MAD1L1: variants seen among roughly 807,000 people sequenced by gnomAD.
The protein encoded by MAD1L1 is mitotic arrest deficient 1 like 1, also known as mitotic spindle assembly checkpoint protein MAD1.
In MAD1L1, 95 loss-of-function variants were observed where a neutral mutation model predicts 96.9. The observed-to-expected ratio is 0.98, with a 90% CI of 0.83 to 1.16. MAD1L1 has a LOEUF of 1.16. Ranked by LOEUF, MAD1L1 falls within the 50% of genes most tolerant of loss-of-function variation. The probability of loss-of-function intolerance (pLI) is 0.00; values close to 1 mark genes in which losing one functional copy is unlikely to be tolerated. For synonymous variants in MAD1L1, 473 were observed against 396.6 expected, an observed-to-expected ratio of 1.19 and a Z score of -2.29; for missense variants, 1,007 against 954.4, an observed-to-expected ratio of 1.06 and a Z score of -0.73.
At chr7:2,016,424 G>A (rs1324630803) in intron 12 of MAD1L1, among the ~76,000 whole-genome samples, 1 of 152,192 alleles carries the variant, frequency 6.6e-6, no homozygotes, top group Non-Finnish European at 1.5e-5. Flanking sequence ...CCCAGAAGCG[G>A]AGTGCACAAA....
rs141122662 is a variant in MAD1L1, at chr7:2,103,977, G to A, written c.1074-34639C>T. Reference sequence around the variant, plus strand: ...TGGCAGAGAATCAAATATGCAGCCGGTGTCTGGAAATCATTCAATGAAGGT... The same window carrying A: ...TGGCAGAGAATCAAATATGCAGCCGATGTCTGGAAATCATTCAATGAAGGT... On this transcript the variant is annotated intron_variant, in intron 11 of 18. Coordinates refer to ENST00000265854, the MANE Select transcript of MAD1L1 (RefSeq NM_001013836.2). This position sits in a 1 kb window ranked among gnomAD's most constrained non-coding sequence, Gnocchi z 4.3. 4.6e-5 allele frequency among the ~76,000 whole-genome samples: 7 copies of A among 152,362 alleles called. No individual in the cohort carries two copies. The East Asian group carries it at 1.3e-3, about 29-fold the overall frequency.
At position 1,827,279 on chromosome 7, in the gene MAD1L1, A is replaced by G. The variant is rs540530289; in HGVS notation, c.1999-11051T>C. Among the ~76,000 whole-genome samples, 8 of 152,338 alleles carry G rather than the reference A, an allele frequency of 5.3e-5. No homozygotes were observed. In the East Asian group the frequency reaches 9.7e-4, roughly 18 times the overall value. On this transcript the variant is annotated intron_variant, in intron 18 of 18. Coordinates refer to ENST00000265854, the MANE Select transcript of MAD1L1 (RefSeq NM_001013836.2). ...GAGGGCAGCAGGAGCACAGAACACA[A>G]TGAAGGTTAAGGGAAGAAAGGGGAC...
chr7:2,008,848 G>A (rs1219083058), intron 13 of MAD1L1, among the ~76,000 whole-genome samples: 2 of 152,008 alleles, frequency 1.3e-5, no homozygotes, highest in Non-Finnish European at 2.9e-5. Flanking sequence ...GAAGGAACAC[G>A]GCTCCATCCC....
intron 16 of MAD1L1, among the ~76,000 whole-genome samples, chr7:1,955,791 G>T (rs1779699914): frequency 6.6e-6 from 1 of 152,294 alleles, no homozygotes; most frequent in Non-Finnish European, 1.5e-5. Flanking sequence ...TTTTAGGGTT[G>T]TCCTGTTGCA....
At chr7:2,073,898 C>T (rs959394925) in intron 11 of MAD1L1, among the ~76,000 whole-genome samples, 4 of 152,200 alleles carry the variant, frequency 2.6e-5, no homozygotes, top group Admixed American at 1.3e-4. Flanking sequence ...ACTCCAGGAC[C>T]GTCCAGGTGC....
At chr7:2,139,986 A>ACCCCCCCCCCCCCCCCC (rs1562723081) in intron 11 of MAD1L1, among the ~76,000 whole-genome samples, 1 of 138,928 alleles carries the variant, frequency 7.2e-6, no homozygotes, top group African/African-American at 2.7e-5. Flanking sequence ...TACTATCTGG[A>ACCCCCCCCCCCCCCCCC]CCCCGCCCCC....
chr7:2,114,766 T>C lies in MAD1L1; in HGVS notation c.1073+34386A>G, dbSNP rs545457022. Among the ~76,000 whole-genome samples the C allele has an allele frequency of 3.9e-4, 60 of 152,260 alleles. No homozygotes were observed. Among genetic ancestry groups the C allele is most frequent in the African/African-American group, 1.4e-3 (60 of 41,546 alleles). ...CACAGCACGATGGCAGAGTTCAGCG[T>C]CTTCGACAGAGACCACCTGCCCGGC... is the stretch of plus-strand genomic sequence containing the variant. On this transcript the variant is annotated intron_variant, in intron 11 of 18. Transcript: ENST00000265854. This position sits in a 1 kb window ranked among gnomAD's most constrained non-coding sequence, Gnocchi z 4.2.
chr7:2,098,384 G>A (rs1031313301), intron 11 of MAD1L1, among the ~76,000 whole-genome samples: 1 of 152,288 alleles, frequency 6.6e-6, no homozygotes, highest in Non-Finnish European at 1.5e-5. Context: ...AAGAGACCTC[G>A]GGCCCTAAAC....
chr7:2,186,994 T>C (rs1036314242), intron 10 of MAD1L1, among the ~76,000 whole-genome samples: 98 of 151,994 alleles, frequency 6.4e-4, no homozygotes, highest in African/African-American at 2.2e-3. Context: ...GGTTTCGCCA[T>C]GTTGGCCAGG....
At chr7:2,209,670 G>C (rs1295742846) in intron 10 of MAD1L1, among the ~76,000 whole-genome samples, 4 of 152,188 alleles carry the variant, frequency 2.6e-5, no homozygotes, top group African/African-American at 9.6e-5. Context: ...AGTGGCAGCA[G>C]CTCCTCCACA....
intron 11 of MAD1L1, among the ~76,000 whole-genome samples, chr7:2,083,649 C>T (rs1007737843): frequency 6.6e-6 from 1 of 152,332 alleles, no homozygotes; most frequent in South Asian, 2.1e-4. Context: ...GAAGAGGCAA[C>T]GGCATCGGAC....
chr7:1,903,826 A>G (rs375233681), intron 17 of MAD1L1, among the ~76,000 whole-genome samples: 188 of 125,640 alleles, frequency 1.5e-3, no homozygotes, highest in African/African-American at 3.1e-3. Context: ...ATGCTCTTGC[A>G]GAACTCATAA....
intron 10 of MAD1L1, among the ~76,000 whole-genome samples, chr7:2,164,776 AGCAAGG>A: frequency 6.6e-6 from 1 of 152,244 alleles, no homozygotes; most frequent in African/African-American, 2.4e-5. Flanking sequence ...CTGTGTGCCC[AGCAAGG>A]ACACTACATG....
chr7:1,827,677 G>A lies in MAD1L1; in HGVS notation c.1999-11449C>T, dbSNP rs7811254. On this transcript the variant is annotated intron_variant, in intron 18 of 18. Transcript: ENST00000265854. ...TCCTGAGCCCGGCCCGGGTGTGGGG[G>A]CCTCCCCTCCTGAGCCCGTCCCGGG... Among the ~76,000 whole-genome samples, 3 of 85,348 alleles carry A rather than the reference G, an allele frequency of 3.5e-5. 1 individual carries two copies. The highest frequency in any genetic ancestry group is 5.4e-5 in the African/African-American group (1 of 18,398). 56.0% of individuals were successfully genotyped at this position (85,348 alleles called of 152,430 possible). A position where few individuals can be genotyped will look rare whatever the true frequency, so the allele number is the denominator to read the frequency against.
chr7:2,160,772 G>A (rs1037816111), intron 10 of MAD1L1, among the ~76,000 whole-genome samples: 10 of 152,084 alleles, frequency 6.6e-5, no homozygotes. Context: ...CCACTACCAT[G>A]CCGGGCTAGC....
intron 18 of MAD1L1, among the ~76,000 whole-genome samples, chr7:1,843,845 C>T (rs1783425169): frequency 1.3e-5 from 2 of 152,350 alleles, no homozygotes; most frequent in South Asian, 4.1e-4. Context: ...AGCGTGAGCT[C>T]CGAATGATTT....
intron 14 of MAD1L1, among the ~76,000 whole-genome samples, chr7:1,997,269 G>A (rs1254135801): frequency 3.3e-5 from 5 of 152,226 alleles, no homozygotes; most frequent in African/African-American, 1.2e-4. Context: ...GGAGCTGCAG[G>A]CTGGGAGACG....
At chr7:1,828,483 G>C (rs948437494) in intron 18 of MAD1L1, among the ~76,000 whole-genome samples, 5 of 152,206 alleles carry the variant, frequency 3.3e-5, no homozygotes, top group African/African-American at 4.8e-5. Flanking sequence ...GGCTGGACCA[G>C]TGCCTGTCTC....
intron 9 of MAD1L1, among the ~76,000 whole-genome samples, chr7:2,213,658 G>A (rs894135904): frequency 1.3e-5 from 2 of 151,890 alleles, no homozygotes; most frequent in Non-Finnish European, 2.9e-5. Context: ...TCTTCCAGGG[G>A]CTCCTCAGGG....
Sources: allele counts gnomAD v4.1 joint callset (sites outside exome capture counted in the v4.1 genomes callset), GRCh38; gene constraint gnomAD v4.1.1; non-coding constraint Gnocchi (gnomAD v3.1); transcripts MANE v1.5; gene names NCBI Gene and HGNC (gene_info 2026-07-23, HGNC 2026-07-21).